The following PAM variants were observed in gnomAD, a reference collection of about 807,000 sequenced individuals.
The protein encoded by PAM is peptidylglycine alpha-amidating monooxygenase.
A neutral mutation model predicts 122.1 loss-of-function variants in PAM; 72 were observed. The observed-to-expected ratio is 0.59, with a 90% CI of 0.49 to 0.72. The LOEUF (loss-of-function observed/expected upper bound fraction) is 0.72. PAM is among the 30% of genes least tolerant of loss of function. PAM has a pLI of 0.00. For missense variants in PAM, 1,106 were observed against 1,183.7 expected, an observed-to-expected ratio of 0.93 and a Z score of 0.96; for synonymous variants, 389 against 404.4, an observed-to-expected ratio of 0.96 and a Z score of 0.46.
chr5:102,991,568 G>C lies in PAM; in HGVS notation c.1613+1167G>C, dbSNP rs148396069. ...TTTATGTTAAACCTGGTTCTGTCAC[G>C]TATGCATATGTCTAATGTCTAATAT... On this transcript the variant is annotated intron_variant, in intron 16 of 25. Coordinates refer to ENST00000438793, the MANE Select transcript of PAM (RefSeq NM_001177306.2). 4.4e-3 allele frequency among the ~76,000 whole-genome samples: 673 copies of C among 152,130 alleles called. 3 individuals are homozygous for C. The highest frequency in any genetic ancestry group is 0.016 in the African/African-American group (651 of 41,514).
chr5:102,802,376 G>A (rs1016025148), intron 1 of PAM, among the ~76,000 whole-genome samples: 1 of 152,170 alleles, frequency 6.6e-6, no homozygotes, highest in Non-Finnish European at 1.5e-5. Context: ...GTATAAAGAT[G>A]TAGTTCTGGA....
intron 1 of PAM, among the ~76,000 whole-genome samples, chr5:102,836,749 C>T (rs1777147460): frequency 6.6e-6 from 1 of 151,738 alleles, no homozygotes; most frequent in South Asian, 2.1e-4. Context: ...ATTCTAGGGG[C>T]TAGAAATACA....
In PAM at chr5:103,028,249, G is replaced by A; in HGVS notation, c.2743+11G>A. Reference sequence around the variant, plus strand: ...TGGGAAGATTTAGAGGTATGCCTATGACCTTTTAGAACCCTTCATGTTTGG... The same window carrying A: ...TGGGAAGATTTAGAGGTATGCCTATAACCTTTTAGAACCCTTCATGTTTGG... On this transcript the variant is annotated intron_variant, in intron 25 of 25. Coordinates refer to ENST00000438793, the MANE Select transcript of PAM (RefSeq NM_001177306.2). 6.3e-7 allele frequency: 1 copy of A among 1,583,088 alleles called. No individual in the cohort carries two copies. The highest frequency in any genetic ancestry group is 8.7e-7 in the Non-Finnish European group (1 of 1,152,120).
intron 1 of PAM, among the ~76,000 whole-genome samples, chr5:102,763,525 G>A (rs920049979): frequency 2.6e-5 from 4 of 152,174 alleles, no homozygotes; most frequent in African/African-American, 4.8e-5. Flanking sequence ...AAATAATTAT[G>A]TATAATTACA....
intron 1 of PAM, among the ~76,000 whole-genome samples, chr5:102,789,654 C>A (rs1378070221): frequency 6.6e-6 from 1 of 152,026 alleles, no homozygotes; most frequent in African/African-American, 2.4e-5. Flanking sequence ...TGTGGAGTTA[C>A]TATTTAATAG....
chr5:103,022,796 G>C (rs145359088), intron 23 of PAM, among the ~76,000 whole-genome samples: 69 of 152,204 alleles, frequency 4.5e-4, no homozygotes, highest in African/African-American at 1.6e-3. Flanking sequence ...TTAGGATAAA[G>C]AGTGAAAGTG....
chr5:102,900,082 AG>A (rs1797261080), intron 3 of PAM, among the ~76,000 whole-genome samples: 1 of 151,514 alleles, frequency 6.6e-6, no homozygotes, highest in African/African-American at 2.4e-5. Flanking sequence ...AGCTTTCTGA[AG>A]TAACTGCTCT....
rs1248967263 is a variant in PAM at position 102,866,288 on chromosome 5, G to T, written c.89+4G>T. ...GCCCACTTTCTGTCTTTAAGAGGTG[G>T]GTGTTCGTTGTTCGGGTGCTTTCTG... On this transcript the variant is annotated splice_donor_region_variant and intron_variant, in intron 2 of 25. Transcript: ENST00000438793. 1.3e-6 allele frequency: 2 copies of T among 1,591,890 alleles called. No homozygotes were observed. The highest frequency in any genetic ancestry group is 1.7e-5 in the Admixed American group (1 of 59,996).
At position 102,866,084 on chromosome 5, in the gene PAM, C is replaced by G. The variant is rs1268791117; in HGVS notation, c.-112C>G. 8 of 592,210 alleles carry G rather than the reference C, an allele frequency of 1.4e-5. No individual in the cohort carries two copies. The highest frequency in any genetic ancestry group is 9.3e-5 in the South Asian group (4 of 43,116). 36.7% of individuals were successfully genotyped at this position (592,210 alleles called of 1,614,324 possible). A position where few individuals can be genotyped will look rare whatever the true frequency, so the allele number is the denominator to read the frequency against. ...TGTGTGGCCGCCGCAGGACGCCCGC[C>G]GTGCCCGGGCCATGAAGTAGCGGCT... On this transcript the variant is annotated 5_prime_UTR_variant, in exon 2 of 26. Transcript: ENST00000438793.
intron 1 of PAM, among the ~76,000 whole-genome samples, chr5:102,848,244 A>G (rs778604842): frequency 6.6e-6 from 1 of 151,948 alleles, no homozygotes; most frequent in African/African-American, 2.4e-5. Flanking sequence ...GGATGTTGAT[A>G]CCGGTTTTGC....
chr5:102,863,056 A>C (rs986704751), intron 1 of PAM, among the ~76,000 whole-genome samples: 2 of 144,856 alleles, frequency 1.4e-5, no homozygotes, highest in African/African-American at 5.8e-5. Flanking sequence ...GAGCCAAATT[A>C]GTTTTATGGT....
chr5:103,006,016 C>T (rs1778859280), intron 18 of PAM, among the ~76,000 whole-genome samples: 1 of 152,136 alleles, frequency 6.6e-6, no homozygotes, highest in Non-Finnish European at 1.5e-5. Flanking sequence ...CTCACTACAG[C>T]CTCCACCTCC....
chr5:102,849,967 C>T (rs1234472946), intron 1 of PAM, among the ~76,000 whole-genome samples: 1 of 152,094 alleles, frequency 6.6e-6, no homozygotes. Context: ...ATATATTACT[C>T]TCATTTTAAA....
intron 16 of PAM, among the ~76,000 whole-genome samples, chr5:102,996,515 A>G (rs1379048497): frequency 1.3e-5 from 2 of 152,186 alleles, no homozygotes; most frequent in African/African-American, 4.8e-5. Context: ...TTACTTAGCA[A>G]GTTTAACATG....
At chr5:102,931,344 A>C (rs1273199553) in intron 7 of PAM, among the ~76,000 whole-genome samples, 1 of 152,226 alleles carries the variant, frequency 6.6e-6, no homozygotes, top group African/African-American at 2.4e-5. Context: ...TCAGCTGTAC[A>C]AAGATAAACT....
intron 1 of PAM, among the ~76,000 whole-genome samples, chr5:102,815,689 C>G (rs796300178): frequency 4.6e-5 from 7 of 152,260 alleles, no homozygotes; most frequent in African/African-American, 1.7e-4. Flanking sequence ...CAGCGTATAT[C>G]TGACTTGATT....
rs1365555127 is a variant in PAM, at chr5:102,867,291, A to C, written c.108A>C (p.Arg36Ser). The C allele has an allele frequency of 6.2e-7, 1 of 1,602,850 alleles. No individual in the cohort carries two copies. Among genetic ancestry groups the C allele is most frequent in the Non-Finnish European group, 8.5e-7 (1 of 1,170,032 alleles). Residue 36 changes from arginine (R) to serine (S), a missense_variant, in exon 3 of 26, where the codon AGA (arginine) becomes AGC (serine). Arg to Ser is a moderately radical substitution (Grantham distance 110, BLOSUM62 -1). Transcript: ENST00000438793. Reference protein sequence around the residue: ...SVFKRFKETTRPFSNECLGTT... With the variant: ...SVFKRFKETTSPFSNECLGTT... ...TTTTAAGGTTTAAAGAAACTACCAG[A>C]CCATTTTCCAATGAATGTCTTGGTA...
At chr5:102,769,300 A>G (rs1325464663) in intron 1 of PAM, among the ~76,000 whole-genome samples, 2 of 151,792 alleles carry the variant, frequency 1.3e-5, no homozygotes, top group Non-Finnish European at 2.9e-5. Context: ...CGTTCTGCAG[A>G]TTGTCTCTTC....
chr5:102,881,155 C>CACACAG (rs1046039847), intron 3 of PAM, among the ~76,000 whole-genome samples: 4 of 151,118 alleles, frequency 2.6e-5, no homozygotes, highest in African/African-American at 7.3e-5. Flanking sequence ...CACACACACA[C>CACACAG]AGAGACTTCT....
Sources: allele counts gnomAD v4.1 joint callset (sites outside exome capture counted in the v4.1 genomes callset), GRCh38; gene constraint gnomAD v4.1.1; transcripts MANE v1.5; gene names NCBI Gene and HGNC (gene_info 2026-07-23, HGNC 2026-07-21).